The following PACRG variants were observed in gnomAD, a reference collection of about 807,000 sequenced individuals.
PACRG encodes the protein parkin coregulated gene protein.
Under a neutral mutation model 29.7 loss-of-function variants are expected in PACRG, and 29 were observed. The ratio of observed to expected loss-of-function variants is 0.98; its 90% CI spans 0.73 to 1.33. The LOEUF is 1.33. Among genes scored for constraint, PACRG ranks in the 40% most tolerant of loss-of-function variants. The pLI is 0.00. For missense variants in PACRG, 279 were observed against 316.2 expected (o/e 0.88, Z 0.89); for synonymous variants, 116 against 118.7 (o/e 0.98, Z 0.15).
intron 2 of PACRG, among the ~76,000 whole-genome samples, chr6:162,884,037 A>G (rs1409223236): frequency 6.6e-6 from 1 of 152,124 alleles, no homozygotes; most frequent in African/African-American, 2.4e-5. Flanking sequence ...TCCTGGGCTC[A>G]AGCGATCCTC....
At chr6:163,303,049 G>A (rs1322873163) in intron 4 of PACRG, among the ~76,000 whole-genome samples, 1 of 152,196 alleles carries the variant, frequency 6.6e-6, no homozygotes, top group Non-Finnish European at 1.5e-5. Flanking sequence ...AATCTGAGAT[G>A]AGCAGGGTGA....
intron 2 of PACRG, among the ~76,000 whole-genome samples, chr6:163,041,428 T>G (rs1408768819): frequency 6.6e-6 from 1 of 152,218 alleles, no homozygotes; most frequent in Non-Finnish European, 1.5e-5. Context: ...TCTCCCATGC[T>G]GTTCTCATGA....
intron 4 of PACRG, among the ~76,000 whole-genome samples, chr6:163,292,124 C>T (rs549498019): frequency 2.0e-5 from 3 of 152,058 alleles, no homozygotes; most frequent in Admixed American, 2.0e-4. Flanking sequence ...GTTATTCCAA[C>T]AGGAAGGTAA....
chr6:162,831,262 A>C (rs1788748937), intron 2 of PACRG, among the ~76,000 whole-genome samples: 1 of 152,288 alleles, frequency 6.6e-6, no homozygotes, highest in South Asian at 2.1e-4. Flanking sequence ...TTTGTGATTA[A>C]AATTTAGTGA....
chr6:162,770,325 T>C (rs569318085), intron 1 of PACRG, among the ~76,000 whole-genome samples: 2 of 152,296 alleles, frequency 1.3e-5, no homozygotes, highest in African/African-American at 4.8e-5. Flanking sequence ...TGCAAGGCCA[T>C]AGCTCTTAGG....
chr6:163,223,457 G>A (rs1189260274), intron 4 of PACRG, among the ~76,000 whole-genome samples: 1 of 152,116 alleles, frequency 6.6e-6, no homozygotes, highest in African/African-American at 2.4e-5. Context: ...GAATAAAAAT[G>A]TGTGTGTCCC....
At chr6:163,312,570 C>T (rs182525812) in intron 4 of PACRG, among the ~76,000 whole-genome samples, 4 of 152,268 alleles carry the variant, frequency 2.6e-5, no homozygotes, top group Admixed American at 2.6e-4. Flanking sequence ...CCTGCACCTT[C>T]TCACGCCTCC....
At chr6:162,822,900 CAT>C (rs990397134) in intron 2 of PACRG, among the ~76,000 whole-genome samples, 3 of 152,050 alleles carry the variant, frequency 2.0e-5, no homozygotes, top group South Asian at 4.2e-4. Context: ...TGTATTATAA[CAT>C]ATATGTATAT....
intron 4 of PACRG, among the ~76,000 whole-genome samples, chr6:163,091,849 ATACT>A (rs1466207475): frequency 6.6e-6 from 1 of 152,226 alleles, no homozygotes; most frequent in Non-Finnish European, 1.5e-5. Context: ...AAAATTATAT[ATACT>A]TATTTTATTT....
upstream of PACRG, chr6:162,727,895 C>G (rs1459709668): frequency 6.7e-6 from 4 of 594,982 alleles, no homozygotes; most frequent in South Asian, 6.1e-5. Context: ...AGCCCCCCAC[C>G]GCCGCCCTTT....
intron 2 of PACRG, among the ~76,000 whole-genome samples, chr6:162,967,565 G>T (rs1057309471): frequency 6.7e-6 from 1 of 150,144 alleles, no homozygotes; most frequent in Non-Finnish European, 1.5e-5. Flanking sequence ...GGAGTGCAGT[G>T]TTGCGATCTC....
rs1414478319 is a variant in PACRG at position 163,120,683 on chromosome 6, T to C, written c.613+31275T>C. ...TCTACTTTTGTTTTTGGTTTTTCTT[T>C]TTAAGAAAAAAAAAATACTGTGGAC... On this transcript the variant is annotated intron_variant, in intron 4 of 4. Coordinates refer to ENST00000366888, the MANE Select transcript of PACRG (RefSeq NM_001080379.2). Among the ~76,000 whole-genome samples the C allele has an allele frequency of 2.0e-5, 3 of 152,164 alleles. No homozygotes were observed. The East Asian group carries it at 5.8e-4, about 29-fold the overall frequency.
intron 2 of PACRG, among the ~76,000 whole-genome samples, chr6:162,826,728 G>A (rs2128385882): frequency 6.6e-6 from 1 of 152,192 alleles, no homozygotes; most frequent in African/African-American, 2.4e-5. Context: ...CTCCCAAAGT[G>A]CTGGGATTAG....
intron 4 of PACRG, among the ~76,000 whole-genome samples, chr6:163,255,253 C>T (rs1469349183): frequency 6.6e-6 from 1 of 152,190 alleles, no homozygotes; most frequent in Non-Finnish European, 1.5e-5. Context: ...GAAGAAGAAA[C>T]TGCAATTTAG....
At chr6:162,729,080 G>A (rs1211714194) in intron 1 of PACRG, among the ~76,000 whole-genome samples, 1 of 151,982 alleles carries the variant, frequency 6.6e-6, no homozygotes, top group African/African-American at 2.4e-5. Flanking sequence ...AATATTCTAA[G>A]TATCATTAGA....
At chr6:162,990,307 C>T (rs992657715) in intron 2 of PACRG, among the ~76,000 whole-genome samples, 10 of 151,978 alleles carry the variant, frequency 6.6e-5, no homozygotes, top group Middle Eastern at 3.4e-3. Context: ...CCCTGAGAAT[C>T]GCCACACTGA....
chr6:163,252,029 G>A (rs1389975281), intron 4 of PACRG, among the ~76,000 whole-genome samples: 2 of 152,236 alleles, frequency 1.3e-5, no homozygotes, highest in African/African-American at 4.8e-5. Context: ...TAAGCACGGT[G>A]TCTCTGCACA....
At chr6:163,192,232 T>G (rs187565470) in intron 4 of PACRG, among the ~76,000 whole-genome samples, 3 of 152,340 alleles carry the variant, frequency 2.0e-5, no homozygotes, top group Admixed American at 6.5e-5. Flanking sequence ...AATACCAACA[T>G]TCTTGCAAAG....
At chr6:163,307,343 T>G (rs1785228709) in intron 4 of PACRG, among the ~76,000 whole-genome samples, 1 of 152,218 alleles carries the variant, frequency 6.6e-6, no homozygotes, top group Non-Finnish European at 1.5e-5. Context: ...GACATCCAGC[T>G]GGGAATCGAG....
Sources: gnomAD v4.1 joint callset for allele counts (sites outside exome capture counted in the v4.1 genomes callset) on GRCh38, gnomAD v4.1.1 for gene constraint, MANE v1.5 for transcripts, NCBI Gene and HGNC (gene_info 2026-07-23, HGNC 2026-07-21) for gene names.